SLC22A24: variants seen among roughly 807,000 people sequenced by gnomAD.
SLC22A24 encodes solute carrier family 22 member 24, also known as steroid transmembrane transporter SLC22A24.
Under a neutral mutation model 49.8 loss-of-function variants are expected in SLC22A24, and 53 were observed. That is an observed-to-expected ratio of 1.06 (90% CI 0.85 to 1.34). The LOEUF is 1.34. SLC22A24 is among the 40% of genes most tolerant of loss of function. The pLI is 0.00. For missense variants in SLC22A24, 786 were observed against 675.9 expected (o/e 1.16, Z -1.81); for synonymous variants, 302 against 256.4 (o/e 1.18, Z -1.70).
At chr11:63,113,038 AT>A in intron 4 of SLC22A24, among the ~76,000 whole-genome samples, 3 of 6,248 alleles carry the variant, frequency 4.8e-4, no homozygotes, top group Non-Finnish European at 6.6e-4. Flanking sequence ...AAAAAAAAAT[AT>A]ATATATATAT....
chr11:63,109,005 C>T (rs1464499544), intron 4 of SLC22A24, among the ~76,000 whole-genome samples: 1 of 119,370 alleles, frequency 8.4e-6, no homozygotes, highest in Non-Finnish European at 1.7e-5. Context: ...CCTCCCCCCA[C>T]CCCACAACAG....
Position 63,119,213 on chromosome 11 carries a change from G to GT in SLC22A24, c.628dup (p.Thr210AsnfsTer85). ...AAAAGTGTTTCCCAAAATAGTCATGGTGGAGAACCCTGCCAAGAAGCGCAG... is the reference window on the plus strand; with the variant it reads ...AAAAGTGTTTCCCAAAATAGTCATGGTTGGAGAACCCTGCCAAGAAGCGCAG... On this transcript the variant is annotated frameshift_variant, in exon 3 of 10. Coordinates refer to ENST00000612278, the MANE Select transcript of SLC22A24 (RefSeq NM_001136506.2). LOFTEE classifies it high-confidence loss of function. The GT allele has an allele frequency of 6.5e-7, 1 of 1,549,740 alleles. No homozygotes were observed. The highest frequency in any genetic ancestry group is 8.7e-7 in the Non-Finnish European group (1 of 1,146,384).
intron 4 of SLC22A24, among the ~76,000 whole-genome samples, chr11:63,106,015 T>C (rs10792387): frequency 0.72 from 99,722 of 138,128 alleles, 36,823 homozygotes; most frequent in East Asian, 0.86. Context: ...TGTGCCATGC[T>C]GGTATGCTGC....
intron 9 of SLC22A24, 43 bp downstream of exon 9, chr11:63,080,877 A>C: frequency 6.6e-7 from 1 of 1,506,678 alleles, no homozygotes; most frequent in Non-Finnish European, 9.0e-7. Flanking sequence ...GCTACAGCAC[A>C]TAGCCACTCC....
At chr11:63,091,290 G>A (rs1251143284) in intron 6 of SLC22A24, among the ~76,000 whole-genome samples, 1 of 152,134 alleles carries the variant, frequency 6.6e-6, no homozygotes, top group Non-Finnish European at 1.5e-5. Context: ...AAAGGGCAAG[G>A]ACCAGAGAGA....
intron 2 of SLC22A24, among the ~76,000 whole-genome samples, chr11:63,130,182 T>G (rs2087323551): frequency 1.3e-5 from 2 of 152,234 alleles, no homozygotes; most frequent in African/African-American, 4.8e-5. Context: ...GTTTTTAGCA[T>G]GAAGTGCTGT....
intron 1 of SLC22A24, 120 bp from the exon 2 acceptor site, chr11:63,134,888 C>G: frequency 1.6e-6 from 1 of 609,762 alleles, no homozygotes; most frequent in Non-Finnish European, 2.9e-6. Flanking sequence ...GTCCTGCCTC[C>G]CTCTCCAGCT....
rs1282146699 is a variant in SLC22A24 at position 63,134,766 on chromosome 11, C to T, written c.405G>A (p.Trp135Ter). 3 of 1,570,452 alleles carry T rather than the reference C, an allele frequency of 1.9e-6. No individual in the cohort carries two copies. The highest frequency in any genetic ancestry group is 2.6e-6 in the Non-Finnish European group (3 of 1,155,228). ...SSFLSTIVTE[W>*]DLVCESQSLK... ...GTGACTGAGATTCACATACCAGGTCCCACTGGAAGAGAAAGAAAGCAGTAC... is the reference window on the plus strand; with the variant it reads ...GTGACTGAGATTCACATACCAGGTCTCACTGGAAGAGAAAGAAAGCAGTAC... Residue 135 changes from tryptophan to a stop codon, truncating the protein, a stop_gained and splice_region_variant, in exon 2 of 10, where the codon TGG becomes TGA. Coordinates refer to ENST00000612278, the MANE Select transcript of SLC22A24 (RefSeq NM_001136506.2). LOFTEE classifies it high-confidence loss of function.
chr11:63,126,011 T>A (rs912866660), intron 2 of SLC22A24, among the ~76,000 whole-genome samples: 2 of 152,102 alleles, frequency 1.3e-5, no homozygotes, highest in African/African-American at 4.8e-5. Flanking sequence ...GGTCGTTTGT[T>A]TTTTTTCTTG....
At chr11:63,082,139 C>T (rs2086963695) in intron 7 of SLC22A24, among the ~76,000 whole-genome samples, 1 of 151,986 alleles carries the variant, frequency 6.6e-6, no homozygotes, top group African/African-American at 2.4e-5. Context: ...CAGTTTAGAG[C>T]TAAGAATGTG....
At chr11:63,083,145 G>A (rs1237374611) in intron 7 of SLC22A24, 98 bp downstream of exon 7, 4 of 949,552 alleles carry the variant, frequency 4.2e-6, no homozygotes, top group Non-Finnish European at 6.5e-6. Context: ...GGCTGTCAAG[G>A]GCAATGCTGT....
intron 2 of SLC22A24, among the ~76,000 whole-genome samples, chr11:63,129,900 A>G (rs1205544823): frequency 2.0e-5 from 3 of 152,238 alleles, no homozygotes; most frequent in Non-Finnish European, 4.4e-5. Flanking sequence ...TTTTCTAAGT[A>G]TACAATAATT....
intron 4 of SLC22A24, chr11:63,118,664 AT>A (rs1427829127): frequency 3.7e-6 from 2 of 547,888 alleles, no homozygotes; most frequent in Non-Finnish European, 3.2e-6. Context: ...ATAAGTGGGT[AT>A]TTTTTCTATT....
At chr11:63,113,835 C>A (rs1482005484) in intron 4 of SLC22A24, among the ~76,000 whole-genome samples, 3 of 136,332 alleles carry the variant, frequency 2.2e-5, no homozygotes, top group African/African-American at 5.6e-5. Context: ...GCCTGGGCAA[C>A]AGCGTGAGAC....
chr11:63,092,941 C>A (rs939023421), intron 6 of SLC22A24, among the ~76,000 whole-genome samples: 1 of 151,876 alleles, frequency 6.6e-6, no homozygotes, highest in African/African-American at 2.4e-5. Flanking sequence ...TGCAAGCTAC[C>A]TATCTGACAA....
At chr11:63,097,531 G>C (rs2087063049) in intron 5 of SLC22A24, among the ~76,000 whole-genome samples, 1 of 152,106 alleles carries the variant, frequency 6.6e-6, no homozygotes, top group Non-Finnish European at 1.5e-5. Context: ...CAAGGATCTA[G>C]AACCAGAAAT....
intron 1 of SLC22A24, 83 bp from the exon 2 acceptor site, chr11:63,134,851 T>TGTGTACTCCTACAGA: frequency 1.1e-6 from 1 of 911,488 alleles, no homozygotes; most frequent in Non-Finnish European, 1.7e-6. Flanking sequence ...CTCCTACATA[T>TGTGTACTCCTACAGA]GGTGTACACA....
Position 63,134,679 on chromosome 11 carries a change from G to A in SLC22A24, c.492C>T (p.Gly164=), listed in dbSNP as rs1183176951. 4.5e-6 allele frequency: 7 copies of A among 1,542,850 alleles called. No individual in the cohort carries two copies. Among genetic ancestry groups the A allele is most frequent in the East Asian group, 4.9e-5 (2 of 41,146 alleles). The part of the protein sequence containing the change: ...AGSLLGGLIY[G]HLSDRVGRKI... ...ATGACACTCACCTGTCTGAAAGATG[G>A]CCATATATTAGACCTCCCAGAAGTG... Residue 164 remains glycine (G), a synonymous_variant, in exon 2 of 10, where the codon GGC becomes GGT. Coordinates refer to ENST00000612278, the MANE Select transcript of SLC22A24 (RefSeq NM_001136506.2).
chr11:63,101,307 GT>G (rs1030834066), intron 5 of SLC22A24, among the ~76,000 whole-genome samples: 28 of 148,366 alleles, frequency 1.9e-4, no homozygotes, highest in East Asian at 7.8e-4. Context: ...GTTACTACTT[GT>G]TTTTTTTTTA....
Sources: allele counts gnomAD v4.1 joint callset (sites outside exome capture counted in the v4.1 genomes callset), GRCh38; gene constraint gnomAD v4.1.1; transcripts MANE v1.5; gene names NCBI Gene and HGNC (gene_info 2026-07-23, HGNC 2026-07-21).